SPATA20: variants seen among roughly 807,000 people sequenced by gnomAD.
SPATA20 encodes the protein spermatogenesis-associated protein 20.
In SPATA20, 74 loss-of-function variants were observed where a neutral mutation model predicts 98.9. That is an observed-to-expected ratio of 0.75 (90% CI 0.62 to 0.91). The LOEUF (loss-of-function observed/expected upper bound fraction) is 0.91, where lower values mean the gene tolerates loss of function less well. Among genes scored for constraint, SPATA20 ranks in the 40% least tolerant of loss-of-function variants. The pLI, the probability that SPATA20 is intolerant of heterozygous loss-of-function variation, is 0.00. For synonymous variants in SPATA20, 430 were observed against 440.5 expected (o/e 0.98, Z 0.30); for missense variants, 1,016 against 1,069.8 (o/e 0.95, Z 0.70).
At position 50,550,696 on chromosome 17, in the gene SPATA20, C is replaced by G; in HGVS notation, c.1174-12C>G. The G allele has an allele frequency of 6.2e-7, 1 of 1,613,172 alleles. No individual in the cohort carries two copies. Among genetic ancestry groups the G allele is most frequent in the East Asian group, 2.2e-5 (1 of 44,876 alleles). On this transcript the variant is annotated splice_polypyrimidine_tract_variant and intron_variant, in intron 10 of 16. Coordinates refer to ENST00000006658, the MANE Select transcript of SPATA20 (RefSeq NM_022827.4). ...TGTGGGCCGGGGCCAGCCAACTCTC[C>G]CCTCCCCACAGTCCGGAGGCTTCTA...
chr17:50,553,925 GGAGGGA>G (rs1317240957), intron 14 of SPATA20, among the ~76,000 whole-genome samples: 1 of 152,136 alleles, frequency 6.6e-6, no homozygotes, highest in African/African-American at 2.4e-5. Flanking sequence ...GATTAGAAGC[GGAGGGA>G]GAGGGAGAGG....
rs2035006695 is a variant in SPATA20, at chr17:50,551,106, A to G, written c.1492A>G (p.Asn498Asp). The change falls in exon 12 of 17, where the codon AAT (asparagine) becomes GAT (aspartate). Residue 498 changes from asparagine (N) to aspartate (D), a missense_variant. Physicochemically the swap from Asn to Asp is conservative, Grantham distance 23 (BLOSUM62 1). Coordinates refer to ENST00000006658, the MANE Select transcript of SPATA20 (RefSeq NM_022827.4). Reference protein sequence around the residue: ...LDVEAVRTLLNSGLEKLFQAR... With the variant: ...LDVEAVRTLLDSGLEKLFQAR... ...TGTGGAGGCCGTGCGGACCTTGCTC[A>G]ATTCAGGGCTGGAGAAGCTCTTCCA... is the stretch of plus-strand genomic sequence containing the variant. 1 of 1,612,954 alleles carries G rather than the reference A, an allele frequency of 6.2e-7. No homozygotes were observed. The highest frequency in any genetic ancestry group is 2.2e-5 in the East Asian group (1 of 44,884).
chr17:50,548,599 C>G lies in SPATA20; in HGVS notation c.342C>G (p.Asn114Lys). The change falls in exon 4 of 17, where the codon AAC becomes AAG. Residue 114 changes from asparagine to lysine, a missense_variant. By Grantham distance (94) the Asn-to-Lys change is moderately conservative. Coordinates refer to ENST00000006658, the MANE Select transcript of SPATA20 (RefSeq NM_022827.4). Reference protein sequence around the residue: ...QEAFDKARKENKPIFLSVGYS... With the variant: ...QEAFDKARKEKKPIFLSVGYS... ...CCTTCGACAAGGCCAGGAAGGAAAA[C>G]AAGCCGATTTTCCTCTCAGGTAATG... 1 of 1,613,302 alleles carries G rather than the reference C, an allele frequency of 6.2e-7. No individual in the cohort carries two copies. Among genetic ancestry groups the G allele is most frequent in the Non-Finnish European group, 8.5e-7 (1 of 1,179,786 alleles).
chr17:50,550,666 T>C, intron 10 of SPATA20, 42 bp from the exon 11 acceptor site: 1 of 1,611,682 alleles, frequency 6.2e-7, no homozygotes, highest in South Asian at 1.1e-5. Context: ...GGGCCTCCAC[T>C]GCCCTGTGGG....
At chr17:50,555,105 T>G in intron 15 of SPATA20, 127 bp from the exon 16 acceptor site, 1 of 697,134 alleles carries the variant, frequency 1.4e-6, no homozygotes, top group Non-Finnish European at 2.5e-6. Context: ...TCCTGGCAGC[T>G]GAGATGAGTC....
At chr17:50,548,212 G>T in intron 2 of SPATA20, 71 bp from the exon 3 acceptor site, 1 of 1,563,628 alleles carries the variant, frequency 6.4e-7, no homozygotes. Flanking sequence ...GTGAAATGGA[G>T]CAGGTGCTGG....
At chr17:50,554,210 C>T (rs1303560802) in intron 14 of SPATA20, 41 bp from the exon 15 acceptor site, 1 of 1,592,334 alleles carries the variant, frequency 6.3e-7, no homozygotes, top group Non-Finnish European at 8.6e-7. Flanking sequence ...GACTCAGTGA[C>T]CTGCCCTTAC....
chr17:50,549,310 C>T lies in SPATA20; in HGVS notation c.685C>T (p.Leu229=). Residue 229 remains leucine, a synonymous_variant, in exon 7 of 17, where the codon CTA becomes TTA. Transcript: ENST00000006658. ...GTGGAAACAGAACAAGAACACCCTG[C>T]TAGAAAATAGCCAGCGTGTCACCAC... ...EQWKQNKNTL[L]ENSQRVTTAL... 6.2e-7 allele frequency: 1 copy of T among 1,612,386 alleles called. No individual in the cohort carries two copies. Among genetic ancestry groups the T allele is most frequent in the Non-Finnish European group, 8.5e-7 (1 of 1,179,788 alleles).
chr17:50,552,308 C>T, intron 14 of SPATA20, 128 bp downstream of exon 14: 2 of 724,716 alleles, frequency 2.8e-6, no homozygotes, highest in Non-Finnish European at 2.2e-6. Flanking sequence ...TGATTTTTGG[C>T]TGCTGTAATA....
chr17:50,550,376 C>G lies in SPATA20; in HGVS notation c.1098+64C>G, dbSNP rs981600083. The G allele has an allele frequency of 2.1e-6, 3 of 1,414,548 alleles. No individual in the cohort carries two copies. In the Admixed American group the frequency reaches 5.4e-5, roughly 25 times the overall value. The allele number at this position is 1,414,548 out of a possible 1,614,324, so 87.6% of individuals were successfully genotyped here. ...TCTGGCTGCCCCTCCCAAGGCCTTC[C>G]TGGTGACTGTGGCTTCTCTTAATCT... On this transcript the variant is annotated intron_variant, in intron 9 of 16. Coordinates refer to ENST00000006658, the MANE Select transcript of SPATA20 (RefSeq NM_022827.4).
intron 15 of SPATA20, among the ~76,000 whole-genome samples, chr17:50,554,729 T>C (rs2035073445): frequency 6.6e-6 from 1 of 151,804 alleles, no homozygotes; most frequent in Non-Finnish European, 1.5e-5. Flanking sequence ...ACCCTGGAGG[T>C]GTGTGTCTGT....
chr17:50,555,037 TTCGGTATTC>T (rs2035087968), intron 15 of SPATA20, among the ~76,000 whole-genome samples, 186 bp from the exon 16 acceptor site: 1 of 151,942 alleles, frequency 6.6e-6, no homozygotes, highest in African/African-American at 2.4e-5. Flanking sequence ...ACATTTCCAC[TTCGGTATTC>T]TCATGTGTGA....
chr17:50,555,376 C>T lies in SPATA20; in HGVS notation c.2238+64C>T, dbSNP rs545318958. On this transcript the variant is annotated intron_variant, in intron 16 of 16. Coordinates refer to ENST00000006658, the MANE Select transcript of SPATA20 (RefSeq NM_022827.4). Reference sequence around the variant, plus strand: ...AGCTGCCCCCTCCCATCCTCAGCTCCTCAACATCTCCTTCCCCTCAGAATG... The same window carrying T: ...AGCTGCCCCCTCCCATCCTCAGCTCTTCAACATCTCCTTCCCCTCAGAATG... 4.0e-5 allele frequency: 64 copies of T among 1,596,340 alleles called. No individual in the cohort carries two copies. In the African/African-American group the frequency reaches 7.9e-4, roughly 20 times the overall value.
Position 50,555,306 on chromosome 17 carries a change from T to A in SPATA20, c.2232T>A (p.Pro744=). Residue 744 remains proline, a synonymous_variant, in exon 16 of 17, where the codon CCT becomes CCA. Transcript: ENST00000006658. ...AGTGCGTCCACTCTGTCTACATTCC[T>A]AACAAGGTACCCATCCCTGTGAGCC... The part of the protein sequence containing the change: ...LVQCVHSVYI[P]NKVLILADGD... 1 of 1,613,914 alleles carries A rather than the reference T, an allele frequency of 6.2e-7. No homozygotes were observed. The highest frequency in any genetic ancestry group is 8.5e-7 in the Non-Finnish European group (1 of 1,179,868).
At chr17:50,552,354 C>T (rs1381209237) in intron 14 of SPATA20, among the ~76,000 whole-genome samples, 174 bp downstream of exon 14, 1 of 152,216 alleles carries the variant, frequency 6.6e-6, no homozygotes, top group Non-Finnish European at 1.5e-5. Context: ...TAAATAGAGA[C>T]AGAGTCTTGC....
Position 50,551,697 on chromosome 17 carries a change from C to A in SPATA20, c.1745+18C>A. 1.3e-6 allele frequency: 2 copies of A among 1,579,170 alleles called. No individual in the cohort carries two copies. The highest frequency in any genetic ancestry group is 1.1e-5 in the South Asian group (1 of 89,604). On this transcript the variant is annotated intron_variant, in intron 13 of 16. Coordinates refer to ENST00000006658, the MANE Select transcript of SPATA20 (RefSeq NM_022827.4). Reference sequence around the variant, plus strand: ...GAGCACAGGTTGGGGGCTGGGTAGACCGGGAGGGCCCGTCTCCCCAACGCG... The same window carrying A: ...GAGCACAGGTTGGGGGCTGGGTAGAACGGGAGGGCCCGTCTCCCCAACGCG...
intron 14 of SPATA20, 52 bp downstream of exon 14, chr17:50,552,232 G>A (rs540038628): frequency 8.6e-6 from 13 of 1,519,460 alleles, no homozygotes; most frequent in Admixed American, 5.3e-5. Context: ...TAAGTGCAGC[G>A]TGGGTGAAGA....
chr17:50,554,352 TGC>T lies in SPATA20; in HGVS notation c.2060_2061del (p.Cys687SerfsTer58). On this transcript the variant is annotated frameshift_variant, in exon 15 of 17. Transcript: ENST00000006658. LOFTEE classifies it high-confidence loss of function. Reference protein sequence around the residue: ...GHKDWMDKCVCLLTAFSERMR... With the variant: ...GHKDWMDKCVXLLTAFSERMR... ...CAAGGACTGGATGGACAAGTGTGTG[TGC>T]CTATTGACCGCCTTTTCCGAGCGCA... 1 of 1,614,152 alleles carries T rather than the reference TGC, an allele frequency of 6.2e-7. No homozygotes were observed. Among genetic ancestry groups the T allele is most frequent in the Non-Finnish European group, 8.5e-7 (1 of 1,180,030 alleles).
chr17:50,551,971 A>T lies in SPATA20; in HGVS notation c.1748A>T (p.Asn583Ile), dbSNP rs1447223438. Residue 583 changes from asparagine (N) to isoleucine (I), a missense_variant and splice_region_variant, in exon 14 of 17, where the codon AAC (asparagine) becomes ATC (isoleucine). Physicochemically the swap from Asn to Ile is moderately radical, Grantham distance 149. Transcript: ENST00000006658. ...CTCCCGTAATGCCTGTCCCCCAGCAACCCACCCTGCTGGGGCTTCCTGGAG... is the reference window on the plus strand; with the variant it reads ...CTCCCGTAATGCCTGTCCCCCAGCATCCCACCCTGCTGGGGCTTCCTGGAG... ...TGPGGTVEHS[N>I]PPCWGFLEDY... 5.0e-6 allele frequency: 8 copies of T among 1,590,974 alleles called. 1 individual carries two copies. The highest frequency in any genetic ancestry group is 6.8e-6 in the Non-Finnish European group (8 of 1,168,192).
Sources: allele counts gnomAD v4.1 joint callset (sites outside exome capture counted in the v4.1 genomes callset), GRCh38; gene constraint gnomAD v4.1.1; transcripts MANE v1.5; gene names NCBI Gene and HGNC (gene_info 2026-07-23, HGNC 2026-07-21).